The following C2CD3 variants were observed in gnomAD, a reference collection of about 807,000 sequenced individuals.
The protein encoded by C2CD3 is C2 domain-containing protein 3.
A neutral mutation model predicts 234.0 loss-of-function variants in C2CD3; 148 were observed. The ratio of observed to expected loss-of-function variants is 0.63; its 90% confidence interval spans 0.55 to 0.72. The LOEUF is 0.72. Among genes scored for constraint, C2CD3 ranks in the 30% least tolerant of loss-of-function variants. C2CD3 has a pLI of 0.00. For synonymous variants in C2CD3, 1,000 were observed against 1,035.4 expected (o/e 0.97, Z 0.66); for missense variants, 2,577 against 2,811.5 (o/e 0.92, Z 1.89).
intron 9 of C2CD3, among the ~76,000 whole-genome samples, chr11:74,116,685 T>C (rs754333736): frequency 1.3e-4 from 19 of 151,626 alleles, no homozygotes; most frequent in African/African-American, 3.4e-4. Flanking sequence ...TGCATGCTTA[T>C]AGCAGCACAA....
At chr11:74,151,696 A>T (rs1474752085) in intron 3 of C2CD3, among the ~76,000 whole-genome samples, 1 of 152,192 alleles carries the variant, frequency 6.6e-6, no homozygotes, top group Non-Finnish European at 1.5e-5. Context: ...TTCAGTATTC[A>T]ATAAAAATTT....
chr11:74,098,475 C>CT (rs754242035), intron 15 of C2CD3, among the ~76,000 whole-genome samples: 9 of 152,198 alleles, frequency 5.9e-5, no homozygotes, highest in Non-Finnish European at 8.8e-5. Context: ...AGGAATGTGT[C>CT]TGATATGTCT....
chr11:74,056,339 G>A (rs1004042622), intron 25 of C2CD3, among the ~76,000 whole-genome samples: 2 of 152,110 alleles, frequency 1.3e-5, no homozygotes, highest in Admixed American at 1.3e-4. Context: ...TTAATTCATG[G>A]CTTCCTATGC....
Position 74,139,708 on chromosome 11 carries a change from T to G in C2CD3, c.604A>C (p.Ser202Arg). The G allele has an allele frequency of 6.2e-7, 1 of 1,613,596 alleles. No homozygotes were observed. Among genetic ancestry groups the G allele is most frequent in the Non-Finnish European group, 8.5e-7 (1 of 1,179,486 alleles). The change falls in exon 4 of 33, where the codon AGC becomes CGC. Residue 202 changes from serine (S) to arginine (R), a missense_variant. Physicochemically the swap from Ser to Arg is moderately radical, Grantham distance 110 (BLOSUM62 -1). Coordinates refer to ENST00000334126, the MANE Select transcript of C2CD3 (RefSeq NM_001286577.2). The part of the protein sequence containing the change: ...KQGFRENTEP[S>R]STQFQVPSRP... ...GATGGAACCTGAAACTGGGTACTGC[T>G]GGGTTCAGTATTCTCTCTGAATCCC... is the stretch of plus-strand genomic sequence containing the variant.
At chr11:74,104,694 A>G (rs1268782846) in intron 13 of C2CD3, among the ~76,000 whole-genome samples, 1 of 152,184 alleles carries the variant, frequency 6.6e-6, no homozygotes, top group Admixed American at 6.5e-5. Flanking sequence ...AATTTAAAGA[A>G]CAGAAGTGGT....
At chr11:74,122,328 T>C (rs551947871) in intron 8 of C2CD3, among the ~76,000 whole-genome samples, 25 of 152,332 alleles carry the variant, frequency 1.6e-4, no homozygotes, top group Admixed American at 3.3e-4. Context: ...TTCCAAACTG[T>C]GGTAGCCCTC....
intron 11 of C2CD3, chr11:74,110,572 G>A (rs1956706245): frequency 6.6e-6 from 1 of 152,218 alleles, no homozygotes; most frequent in South Asian, 2.1e-4. Context: ...TGTGCTGGGA[G>A]GATGAACTGA....
intron 20 of C2CD3, among the ~76,000 whole-genome samples, chr11:74,088,517 C>G (rs1955753011): frequency 6.6e-6 from 1 of 152,188 alleles, no homozygotes; most frequent in South Asian, 2.1e-4. Flanking sequence ...ATATATGACA[C>G]AGACCAAATG....
chr11:74,163,229 G>A (rs577886400), intron 2 of C2CD3, among the ~76,000 whole-genome samples: 88 of 152,286 alleles, frequency 5.8e-4, no homozygotes, highest in African/African-American at 1.8e-3. Flanking sequence ...ATAAGCCATG[G>A]TTGTCTGTAA....
intron 30 of C2CD3, among the ~76,000 whole-genome samples, 182 bp downstream of exon 30, chr11:74,037,296 G>A (rs879484556): frequency 5.3e-5 from 8 of 150,824 alleles, no homozygotes; most frequent in Admixed American, 1.3e-4. Flanking sequence ...ATGTTGCTGT[G>A]CCATACTATT....
At position 74,042,080 on chromosome 11, in the gene C2CD3, G is replaced by A. The variant is rs201090685; in HGVS notation, c.5634C>T (p.Ser1878=). The change falls in exon 29 of 33, where the codon TCC becomes TCT. Residue 1878 remains serine, a synonymous_variant. Coordinates refer to ENST00000334126, the MANE Select transcript of C2CD3 (RefSeq NM_001286577.2). The part of the protein sequence containing the change: ...DDKLTTSPLS[S]QTSILTSLRK... ...TGAGAGAAGTCAGAATGGAGGTTTGGGAGGACAAAGGTGATGTGGTCAGTT... is the reference window on the plus strand; with the variant it reads ...TGAGAGAAGTCAGAATGGAGGTTTGAGAGGACAAAGGTGATGTGGTCAGTT... The A allele has an allele frequency of 1.2e-5, 20 of 1,613,922 alleles. No homozygotes were observed. The highest frequency in any genetic ancestry group is 2.2e-5 in the East Asian group (1 of 44,890).
intron 25 of C2CD3, among the ~76,000 whole-genome samples, chr11:74,055,966 T>C (rs1270042233): frequency 6.6e-6 from 1 of 152,238 alleles, no homozygotes; most frequent in Non-Finnish European, 1.5e-5. Context: ...CACCTCCACT[T>C]AGAAGCTCAG....
intron 31 of C2CD3, 133 bp downstream of exon 31, chr11:74,033,218 G>A (rs1952592666): frequency 1.5e-6 from 1 of 676,402 alleles, no homozygotes; most frequent in Non-Finnish European, 2.5e-6. Context: ...TGTCATGCAG[G>A]TGGGGTCTTC....
chr11:74,066,628 C>T (rs1030627126), intron 24 of C2CD3, among the ~76,000 whole-genome samples: 8 of 147,724 alleles, frequency 5.4e-5, no homozygotes, highest in African/African-American at 1.8e-4. Flanking sequence ...TTTTCCTCAA[C>T]GTAAAGAATT....
At chr11:74,053,344 C>T (rs1333444687) in intron 26 of C2CD3, among the ~76,000 whole-genome samples, 1 of 152,168 alleles carries the variant, frequency 6.6e-6, no homozygotes, top group Non-Finnish European at 1.5e-5. Flanking sequence ...CTTAATTCTC[C>T]AAAAACCCTA....
intron 24 of C2CD3, among the ~76,000 whole-genome samples, chr11:74,058,759 CTGA>C (rs1398253087): frequency 6.6e-6 from 1 of 152,104 alleles, no homozygotes; most frequent in East Asian, 1.9e-4. Flanking sequence ...ATGAAGATGG[CTGA>C]TGATACTAGA....
At chr11:74,141,207 C>G (rs1958037512) in intron 3 of C2CD3, among the ~76,000 whole-genome samples, 1 of 152,194 alleles carries the variant, frequency 6.6e-6, no homozygotes, top group African/African-American at 2.4e-5. Flanking sequence ...ACTGCCAAGG[C>G]ACAAACTCAA....
intron 11 of C2CD3, among the ~76,000 whole-genome samples, chr11:74,110,368 T>A (rs909610707): frequency 8.5e-5 from 13 of 152,164 alleles, no homozygotes; most frequent in African/African-American, 3.1e-4. Context: ...TCTCTATTCA[T>A]CTCTGGCCAT....
chr11:74,140,075 A>G (rs949434504), intron 3 of C2CD3, among the ~76,000 whole-genome samples: 1 of 140,688 alleles, frequency 7.1e-6, no homozygotes, highest in African/African-American at 2.7e-5. Flanking sequence ...AATGTCCCCC[A>G]TTCCCTACAG....
Sources: gnomAD v4.1 joint callset for allele counts (sites outside exome capture counted in the v4.1 genomes callset) on GRCh38, gnomAD v4.1.1 for gene constraint, MANE v1.5 for transcripts, NCBI Gene and HGNC (gene_info 2026-07-23, HGNC 2026-07-21) for gene names.